The following ZNF835 variants were observed in gnomAD, a reference collection of about 807,000 sequenced individuals.
ZNF835 encodes the protein zinc finger protein 835.
For missense variants in ZNF835, 783 were observed against 758.4 expected (o/e 1.03, Z -0.38); for synonymous variants, 323 against 324.7 (o/e 0.99, Z 0.06).
In ZNF835 at chr19:56,663,680, G is replaced by A. The variant is rs2045205907; in HGVS notation, c.1519C>T (p.Pro507Ser). 1 of 1,613,932 alleles carries A rather than the reference G, an allele frequency of 6.2e-7. No individual in the cohort carries two copies. The highest frequency in any genetic ancestry group is 1.7e-5 in the Admixed American group (1 of 60,016). The change falls in exon 2 of 2, where the codon CCC (proline) becomes TCC (serine). Residue 507 changes from proline to serine, a missense_variant. By Grantham distance (74) the Pro-to-Ser change is moderately conservative. Coordinates refer to ENST00000537055, the MANE Select transcript of ZNF835 (RefSeq NM_001005850.3). The part of the protein sequence containing the change: ...ADSSGRLCPA[P>S]TPDSTPGLSQ... The stretch of plus-strand genomic sequence containing the variant: ...AGCCCAGGTGTTGAGTCAGGCGTGG[G>A]AGCTGGGCAAAGGCGTCCCGAACTG...
At chr19:56,665,771 C>G (rs1463309460) in intron 1 of ZNF835, among the ~76,000 whole-genome samples, 2 of 152,196 alleles carry the variant, frequency 1.3e-5, no homozygotes, top group Non-Finnish European at 2.9e-5. Flanking sequence ...CTACTGCACT[C>G]TAGCCTGGGT....
chr19:56,667,906 G>T (rs967262944), intron 1 of ZNF835, among the ~76,000 whole-genome samples: 1 of 152,156 alleles, frequency 6.6e-6, no homozygotes, highest in Non-Finnish European at 1.5e-5. Context: ...CAAACCTGCC[G>T]GCACCTTGAC....
intron 1 of ZNF835, among the ~76,000 whole-genome samples, chr19:56,667,941 G>T (rs2045259778): frequency 6.6e-6 from 1 of 152,136 alleles, no homozygotes; most frequent in Non-Finnish European, 1.5e-5. Context: ...CCCTAGAACT[G>T]TGTGGAAATA....
intron 1 of ZNF835, among the ~76,000 whole-genome samples, chr19:56,667,489 C>A (rs2045255988): frequency 6.6e-6 from 1 of 152,238 alleles, no homozygotes; most frequent in African/African-American, 2.4e-5. Context: ...GGGCTCCAGC[C>A]TCCCCTTCTC....
At chr19:56,668,588 C>T (rs6510009) in intron 1 of ZNF835, among the ~76,000 whole-genome samples, 8,850 of 152,006 alleles carry the variant, frequency 0.058, 837 homozygotes, top group African/African-American at 0.2. Flanking sequence ...CTTCCCGCAG[C>T]GTGTGCCTCA....
In ZNF835 at chr19:56,664,798, C is replaced by T. The variant is rs376074410; in HGVS notation, c.401G>A (p.Gly134Glu). Residue 134 changes from glycine (G) to glutamate (E), a missense_variant, in exon 2 of 2, where the codon GGG becomes GAG. By Grantham distance (98) the Gly-to-Glu change is moderately conservative (BLOSUM62 -2). Coordinates refer to ENST00000537055, the MANE Select transcript of ZNF835 (RefSeq NM_001005850.3). ...AFILHQRIHT[G>E]EKPFACPECG... ...CTCGGGGCACGCAAATGGCTTCTCC[C>T]CGGTGTGGATTCTCTGGTGTAAGAT... The T allele has an allele frequency of 5.2e-5, 83 of 1,611,204 alleles. No individual in the cohort carries two copies. Among genetic ancestry groups the T allele is most frequent in the Admixed American group, 1.7e-4 (10 of 59,958 alleles).
rs544966993 is a variant in ZNF835 at position 56,663,659 on chromosome 19, C to G, written c.1540G>C (p.Gly514Arg). ...CAGGTTTCTCCTCCCTGTGAGAGCC[C>G]AGGTGTTGAGTCAGGCGTGGGAGCT... The part of the protein sequence containing the change: ...CPAPTPDSTP[G>R]LSQGGETCQQ... The change falls in exon 2 of 2, where the codon GGG becomes CGG. Residue 514 changes from glycine to arginine, a missense_variant. Gly to Arg is a moderately radical substitution (Grantham distance 125). Coordinates refer to ENST00000537055, the MANE Select transcript of ZNF835 (RefSeq NM_001005850.3). 24 of 1,614,050 alleles carry G rather than the reference C, an allele frequency of 1.5e-5. No individual in the cohort carries two copies. The South Asian group carries it at 2.3e-4, about 16-fold the overall frequency.
At chr19:56,665,568 G>T in intron 1 of ZNF835, 1 of 494,696 alleles carries the variant, frequency 2.0e-6, no homozygotes, top group Non-Finnish European at 3.9e-6. Context: ...GCAGGTGGTT[G>T]CTTGAGCCCA....
Position 56,663,713 on chromosome 19 carries a change from G to GTGTC in ZNF835, c.1485_1486insGACA (p.His496AspfsTer16). Reference sequence around the variant, plus strand: ...CAAAGGCGTCCCGAACTGTCTGCATGCGTCCTCTGGTGTCGGATGAGCGCG... The same window carrying GTGTC: ...CAAAGGCGTCCCGAACTGTCTGCATGTGTCCGTCCTCTGGTGTCGGATGAGCGCG... On this transcript the variant is annotated frameshift_variant, in exon 2 of 2. Coordinates refer to ENST00000537055, the MANE Select transcript of ZNF835 (RefSeq NM_001005850.3). LOFTEE classifies it low-confidence loss of function (END_TRUNC). 1 of 1,614,016 alleles carries GTGTC rather than the reference G, an allele frequency of 6.2e-7. No homozygotes were observed. Among genetic ancestry groups the GTGTC allele is most frequent in the Non-Finnish European group, 8.5e-7 (1 of 1,179,904 alleles).
In ZNF835 at chr19:56,663,991, G is replaced by A. The variant is rs1334802369; in HGVS notation, c.1208C>T (p.Ser403Phe). The change falls in exon 2 of 2, where the codon TCC becomes TTC. Residue 403 changes from serine (S) to phenylalanine (F), a missense_variant. Coordinates refer to ENST00000537055, the MANE Select transcript of ZNF835 (RefSeq NM_001005850.3). Reference protein sequence around the residue: ...LQCGAAFSHVSSLIEHQKIHT... With the variant: ...LQCGAAFSHVFSLIEHQKIHT... ...GATCTTCTGGTGCTCTATAAGCGAG[G>A]ACACGTGGCTGAAGGCGGCCCCGCA... 3 of 1,612,922 alleles carry A rather than the reference G, an allele frequency of 1.9e-6. No individual in the cohort carries two copies. Among genetic ancestry groups the A allele is most frequent in the Non-Finnish European group, 2.5e-6 (3 of 1,179,632 alleles).
Position 56,664,781 on chromosome 19 carries a change from A to C in ZNF835, c.418T>G (p.Cys140Gly). 2 of 1,614,196 alleles carry C rather than the reference A, an allele frequency of 1.2e-6. No homozygotes were observed. The highest frequency in any genetic ancestry group is 1.7e-6 in the Non-Finnish European group (2 of 1,180,010). Residue 140 changes from cysteine to glycine, a missense_variant, in exon 2 of 2, where the codon TGC (cysteine) becomes GGC (glycine). Coordinates refer to ENST00000537055, the MANE Select transcript of ZNF835 (RefSeq NM_001005850.3). ...CTGAAGGCCTTGCCGCACTCGGGGCACGCAAATGGCTTCTCCCCGGTGTGG... is the reference window on the plus strand; with the variant it reads ...CTGAAGGCCTTGCCGCACTCGGGGCCCGCAAATGGCTTCTCCCCGGTGTGG... Reference protein sequence around the residue: ...RIHTGEKPFACPECGKAFSQS... With the variant: ...RIHTGEKPFAGPECGKAFSQS...
rs1229730987 is a variant in ZNF835, at chr19:56,663,410, C to T, written c.*175G>A. 3 of 876,350 alleles carry T rather than the reference C, an allele frequency of 3.4e-6. No homozygotes were observed. The highest frequency in any genetic ancestry group is 5.1e-6 in the Non-Finnish European group (3 of 582,616). 54.3% of individuals were successfully genotyped at this position (876,350 alleles called of 1,614,324 possible). A position where few individuals can be genotyped will look rare whatever the true frequency, so the allele number is the denominator to read the frequency against. Reference sequence around the variant, plus strand: ...CATTTATAATTTTGCACCAGGAAGACCGCAGGGGAGTCTGGCAGATGTGAG... The same window carrying T: ...CATTTATAATTTTGCACCAGGAAGATCGCAGGGGAGTCTGGCAGATGTGAG... On this transcript the variant is annotated 3_prime_UTR_variant, in exon 2 of 2. Transcript: ENST00000537055.
chr19:56,670,517 C>T (rs546487550), intron 1 of ZNF835, among the ~76,000 whole-genome samples: 31 of 152,216 alleles, frequency 2.0e-4, no homozygotes, highest in South Asian at 8.3e-4. Context: ...CACAGGGTCC[C>T]GGGCACACGT....
chr19:56,664,888 C>T lies in ZNF835; in HGVS notation c.311G>A (p.Gly104Glu), dbSNP rs371276034. 6.5e-5 allele frequency: 105 copies of T among 1,613,814 alleles called. No homozygotes were observed. The highest frequency in any genetic ancestry group is 1.3e-4 in the Admixed American group (8 of 60,012). ...HPDSRQRERG[G>E]GPKKPWKCGD... ...GCATTTCCACGGCTTCTTGGGGCCTCCACCTCTCTCCCGCTGGCGGCTGTC... is the reference window on the plus strand; with the variant it reads ...GCATTTCCACGGCTTCTTGGGGCCTTCACCTCTCTCCCGCTGGCGGCTGTC... Residue 104 changes from glycine to glutamate, a missense_variant, in exon 2 of 2, where the codon GGA becomes GAA. Gly to Glu is a moderately conservative substitution (Grantham distance 98). Coordinates refer to ENST00000537055, the MANE Select transcript of ZNF835 (RefSeq NM_001005850.3).
chr19:56,664,134 C>T lies in ZNF835; in HGVS notation c.1065G>A (p.Thr355=), dbSNP rs760670547. ...QVSHLTQHQR[T]HTGERPYPCH... ...AGGGGTAAGGCCGCTCTCCGGTGTG[C>T]GTGCGCTGGTGCTGCGTCAGGTGCG... is the stretch of plus-strand genomic sequence containing the variant. Residue 355 remains threonine (T), a synonymous_variant, in exon 2 of 2, where the codon ACG becomes ACA. Coordinates refer to ENST00000537055, the MANE Select transcript of ZNF835 (RefSeq NM_001005850.3). 4 of 1,610,846 alleles carry T rather than the reference C, an allele frequency of 2.5e-6. No homozygotes were observed. Among genetic ancestry groups the T allele is most frequent in the Non-Finnish European group, 3.4e-6 (4 of 1,179,256 alleles).
chr19:56,663,033 C>T lies in ZNF835; in HGVS notation c.*552G>A, dbSNP rs57819294. Reference sequence around the variant, plus strand: ...AACTAGTCCGGGTGTGGTGGCCGGGCGCCTGTAGTCCCAGCTACTCGGGAG... The same window carrying T: ...AACTAGTCCGGGTGTGGTGGCCGGGTGCCTGTAGTCCCAGCTACTCGGGAG... On this transcript the variant is annotated 3_prime_UTR_variant, in exon 2 of 2. Coordinates refer to ENST00000537055, the MANE Select transcript of ZNF835 (RefSeq NM_001005850.3). 648 of 153,424 alleles carry T rather than the reference C, an allele frequency of 4.2e-3. 3 individuals are homozygous for T. Among genetic ancestry groups the T allele is most frequent in the African/African-American group, 0.014 (588 of 41,450 alleles). 9.5% of individuals were successfully genotyped at this position (153,424 alleles called of 1,614,324 possible).
In ZNF835 at chr19:56,664,643, G is replaced by T. The variant is rs1030186176; in HGVS notation, c.556C>A (p.Arg186Ser). 2 of 1,608,908 alleles carry T rather than the reference G, an allele frequency of 1.2e-6. No individual in the cohort carries two copies. Residue 186 changes from arginine to serine, a missense_variant, in exon 2 of 2, where the codon CGC becomes AGC. Coordinates refer to ENST00000537055, the MANE Select transcript of ZNF835 (RefSeq NM_001005850.3). ...SQGSYLASHWRTHTGEKPHRC... is the reference protein window; with the variant it reads ...SQGSYLASHWSTHTGEKPHRC... ...TGCGGCTTCTCGCCCGTGTGCGTGC[G>T]CCAGTGGGACGCCAGGTACGAGCCC...
chr19:56,664,399 C>T lies in ZNF835; in HGVS notation c.800G>A (p.Arg267His), dbSNP rs755139450. The change falls in exon 2 of 2, where the codon CGC becomes CAC. Residue 267 changes from arginine to histidine, a missense_variant. Coordinates refer to ENST00000537055, the MANE Select transcript of ZNF835 (RefSeq NM_001005850.3). Reference protein sequence around the residue: ...KAFRFSSALIRHQRIHTEEKP... With the variant: ...KAFRFSSALIHHQRIHTEEKP... ...CTCCTCCGTGTGGATGCGCTGGTGG[C>T]GGATGAGCGCTGAGGAGAAGCGGAA... 9 of 1,605,132 alleles carry T rather than the reference C, an allele frequency of 5.6e-6. No individual in the cohort carries two copies. The highest frequency in any genetic ancestry group is 1.4e-5 in the African/African-American group (1 of 72,106).
rs577965497 is a variant in ZNF835 at position 56,666,268 on chromosome 19, G to A, written c.-47-1023C>T. ...ACTACAGGTGCACGCCACCATGCCC[G>A]GCTAATTTTTGTATTTTTAGTAGAG... On this transcript the variant is annotated intron_variant, in intron 1 of 1. Transcript: ENST00000537055. Among the ~76,000 whole-genome samples, 12 of 152,208 alleles carry A rather than the reference G, an allele frequency of 7.9e-5. No individual in the cohort carries two copies. The South Asian group carries it at 1.5e-3, about 18-fold the overall frequency.
Sources: gnomAD v4.1 joint callset for allele counts (sites outside exome capture counted in the v4.1 genomes callset) on GRCh38, gnomAD v4.1.1 for gene constraint, MANE v1.5 for transcripts, NCBI Gene and HGNC (gene_info 2026-07-23, HGNC 2026-07-21) for gene names.